TMEM33: variants seen among roughly 807,000 people sequenced by gnomAD.
TMEM33 encodes the protein transmembrane protein 33.
A neutral mutation model predicts 29.7 loss-of-function variants in TMEM33; 16 were observed. That is an observed-to-expected ratio of 0.54 (90% CI 0.36 to 0.82). The LOEUF is 0.82. Ranked by LOEUF, TMEM33 falls within the 40% of genes least tolerant of loss-of-function variation. The probability of loss-of-function intolerance (pLI) is 0.00; values close to 1 mark genes in which losing one functional copy is unlikely to be tolerated. For synonymous variants in TMEM33, 112 were observed against 109.4 expected, an observed-to-expected ratio of 1.02 and a Z score of -0.15; for missense variants, 252 against 295.3, an observed-to-expected ratio of 0.85 and a Z score of 1.08.
chr4:41,939,697 A>C, intron 3 of TMEM33: 1 of 469,762 alleles, frequency 2.1e-6, no homozygotes. Flanking sequence ...CATTTTTTTC[A>C]TTTAATTCAC....
At position 41,959,959 on chromosome 4, in the gene TMEM33, G is replaced by A. The variant is rs1378475434; in HGVS notation, c.*5760G>A. On this transcript the variant is annotated 3_prime_UTR_variant, in exon 7 of 7. Coordinates refer to ENST00000504986, the MANE Select transcript of TMEM33 (RefSeq NM_018126.3). ...CATTTTTAATATCTAATATTGTACA[G>A]GTTGGGGAGTTACATTCTTCAGGCC... 4 of 152,002 alleles carry A rather than the reference G, an allele frequency of 2.6e-5. No individual in the cohort carries two copies. The highest frequency in any genetic ancestry group is 5.9e-5 in the Non-Finnish European group (4 of 67,982). 9.4% of individuals were successfully genotyped at this position (152,002 alleles called of 1,614,324 possible).
chr4:41,958,603 T>C lies in TMEM33; in HGVS notation c.*4404T>C, dbSNP rs947408603. 12 of 151,610 alleles carry C rather than the reference T, an allele frequency of 7.9e-5. No homozygotes were observed. The highest frequency in any genetic ancestry group is 1.8e-4 in the Non-Finnish European group (12 of 67,958). The allele number at this position is 151,610 out of a possible 1,614,324, so 9.4% of individuals were successfully genotyped here. On this transcript the variant is annotated 3_prime_UTR_variant, in exon 7 of 7. Coordinates refer to ENST00000504986, the MANE Select transcript of TMEM33 (RefSeq NM_018126.3). ...TTAAAATTTAGACTTTTGATAGTAA[T>C]ATAAAAGCATATTGAAATTTGTAGA...
At chr4:41,948,834 A>G (rs1262077016) in intron 5 of TMEM33, among the ~76,000 whole-genome samples, 2 of 152,066 alleles carry the variant, frequency 1.3e-5, no homozygotes, top group African/African-American at 4.8e-5. Flanking sequence ...GGGATATTGT[A>G]ATTGTGTTTT....
At position 41,939,446 on chromosome 4, in the gene TMEM33, AT is replaced by A. The variant is rs1712411337; in HGVS notation, c.328+65del. The A allele has an allele frequency of 6.4e-6, 10 of 1,555,094 alleles. No homozygotes were observed. In the Admixed American group the frequency reaches 2.0e-4, roughly 31 times the overall value. On this transcript the variant is annotated intron_variant, in intron 3 of 6. Coordinates refer to ENST00000504986, the MANE Select transcript of TMEM33 (RefSeq NM_018126.3). ...CTAAGCATATAGGAGATCTCTTCTG[AT>A]TATTTCAGCAATGAAGGCATTCCAT... is the stretch of plus-strand genomic sequence containing the variant.
chr4:41,939,481 G>A (rs750530355), intron 3 of TMEM33, 98 bp downstream of exon 3: 60 of 1,341,236 alleles, frequency 4.5e-5, no homozygotes, highest in Non-Finnish European at 5.6e-5. Flanking sequence ...ATGAAGCCTG[G>A]GTTTGTTCTC....
At chr4:41,935,337 G>T (rs1245143844), upstream of TMEM33, 6 of 848,708 alleles carry the variant, frequency 7.1e-6, no homozygotes, top group Non-Finnish European at 1.2e-5. Flanking sequence ...CCTGGTGGAG[G>T]CTCAGAGTTC....
intron 5 of TMEM33, among the ~76,000 whole-genome samples, chr4:41,946,077 GTTT>G (rs756912449): frequency 8.6e-6 from 1 of 116,268 alleles, no homozygotes; most frequent in Non-Finnish European, 1.9e-5. Context: ...ATCCAGTTCT[GTTT>G]TTTTTTTTTT....
rs929413222 is a variant in TMEM33, at chr4:41,940,050, T to C, written c.328+667T>C. Among the ~76,000 whole-genome samples, 21 of 124,926 alleles carry C rather than the reference T, an allele frequency of 1.7e-4. No homozygotes were observed. The East Asian group carries it at 2.7e-3, about 16-fold the overall frequency. The allele number at this position is 124,926 out of a possible 152,430, so 82.0% of individuals were successfully genotyped here. A position where few individuals can be genotyped will look rare whatever the true frequency, so the allele number is the denominator to read the frequency against. On this transcript the variant is annotated intron_variant, in intron 3 of 6. Coordinates refer to ENST00000504986, the MANE Select transcript of TMEM33 (RefSeq NM_018126.3). Reference sequence around the variant, plus strand: ...GTGAACACTAGGTTAAACTTTCTTTTTTTTTTTTTTTTTTTTTTTTGAGAC... The same window carrying C: ...GTGAACACTAGGTTAAACTTTCTTTCTTTTTTTTTTTTTTTTTTTTGAGAC...
At position 41,958,610 on chromosome 4, in the gene TMEM33, G is replaced by A. The variant is rs1713358292; in HGVS notation, c.*4411G>A. The A allele has an allele frequency of 6.6e-6, 1 of 150,420 alleles. No individual in the cohort carries two copies. The highest frequency in any genetic ancestry group is 6.6e-5 in the Admixed American group (1 of 15,098). 9.3% of individuals were successfully genotyped at this position (150,420 alleles called of 1,614,324 possible). A position where few individuals can be genotyped will look rare whatever the true frequency, so the allele number is the denominator to read the frequency against. On this transcript the variant is annotated 3_prime_UTR_variant, in exon 7 of 7. Coordinates refer to ENST00000504986, the MANE Select transcript of TMEM33 (RefSeq NM_018126.3). ...TTAGACTTTTGATAGTAATATAAAAGCATATTGAAATTTGTAGATATTATA... is the reference window on the plus strand; with the variant it reads ...TTAGACTTTTGATAGTAATATAAAAACATATTGAAATTTGTAGATATTATA...
intron 1 of TMEM33, among the ~76,000 whole-genome samples, chr4:41,936,283 G>T (rs1366710137): frequency 6.6e-6 from 1 of 152,222 alleles, no homozygotes; most frequent in Non-Finnish European, 1.5e-5. Context: ...GCTCACTCCT[G>T]TAAGCCCAGA....
intron 5 of TMEM33, among the ~76,000 whole-genome samples, chr4:41,948,934 T>C (rs1712914813): frequency 1.3e-5 from 2 of 152,026 alleles, no homozygotes; most frequent in African/African-American, 4.8e-5. Flanking sequence ...TTGTTTCTTT[T>C]TATATATATA....
In TMEM33 at chr4:41,942,652, T is replaced by A. The variant is rs1712594674; in HGVS notation, c.329-1095T>A. ...ATCATTTTGTGGAACTACTTGACAATTTTTTTTTTTTAATCAACCTGGCAG... is the reference window on the plus strand; with the variant it reads ...ATCATTTTGTGGAACTACTTGACAAATTTTTTTTTTTAATCAACCTGGCAG... On this transcript the variant is annotated intron_variant, in intron 3 of 6. Coordinates refer to ENST00000504986, the MANE Select transcript of TMEM33 (RefSeq NM_018126.3). Among the ~76,000 whole-genome samples the A allele has an allele frequency of 3.3e-5, 4 of 120,540 alleles. No individual in the cohort carries two copies. In the South Asian group the frequency reaches 1.0e-3, roughly 32 times the overall value. 79.1% of individuals were successfully genotyped at this position (120,540 alleles called of 152,430 possible).
At chr4:41,953,311 A>T (rs974322721) in intron 6 of TMEM33, among the ~76,000 whole-genome samples, 14 of 152,232 alleles carry the variant, frequency 9.2e-5, no homozygotes, top group African/African-American at 3.4e-4. Flanking sequence ...AATATCACAA[A>T]GCTGTCAGAT....
At chr4:41,943,188 G>A (rs1419656240) in intron 3 of TMEM33, among the ~76,000 whole-genome samples, 1 of 152,134 alleles carries the variant, frequency 6.6e-6, no homozygotes, top group Non-Finnish European at 1.5e-5. Context: ...CAGTAGAAAT[G>A]AAGGAAAAAC....
Position 41,939,313 on chromosome 4 carries a change from G to C in TMEM33, c.258G>C (p.Gln86His). The change falls in exon 3 of 7, where the codon CAG becomes CAC. Residue 86 changes from glutamine (Q) to histidine (H), a missense_variant. By Grantham distance (24) the Gln-to-His change is conservative. Coordinates refer to ENST00000504986, the MANE Select transcript of TMEM33 (RefSeq NM_018126.3). ...AGTTAAGCAGAGCATTCCTGGCCCA[G>C]GCTTTGTTAGAGGACAGCTGCCACT... Reference protein sequence around the residue: ...HFQLSRAFLAQALLEDSCHYL... With the variant: ...HFQLSRAFLAHALLEDSCHYL... The C allele has an allele frequency of 6.2e-7, 1 of 1,613,868 alleles. No individual in the cohort carries two copies. Among genetic ancestry groups the C allele is most frequent in the Non-Finnish European group, 8.5e-7 (1 of 1,179,940 alleles).
chr4:41,938,843 A>T (rs1276857127), intron 2 of TMEM33, 147 bp downstream of exon 2: 13 of 687,358 alleles, frequency 1.9e-5, no homozygotes, highest in Non-Finnish European at 3.2e-5. Context: ...TAACAACCTA[A>T]TAACATTATC....
chr4:41,939,802 T>A (rs1712433107), intron 3 of TMEM33: 1 of 456,448 alleles, frequency 2.2e-6, no homozygotes, highest in African/African-American at 2.0e-5. Flanking sequence ...AAATGGAATT[T>A]AACCAAGAAA....
intron 5 of TMEM33, among the ~76,000 whole-genome samples, chr4:41,945,454 A>G (rs1462841185): frequency 2.0e-5 from 3 of 152,204 alleles, no homozygotes; most frequent in East Asian, 1.9e-4. Context: ...TGCTTTATCA[A>G]TTTTTAGTTT....
In TMEM33 at chr4:41,957,268, T is replaced by G. The variant is rs1298945242; in HGVS notation, c.*3069T>G. The G allele has an allele frequency of 3.3e-3, 1 of 302 alleles. No individual in the cohort carries two copies. The highest frequency in any genetic ancestry group is 0.018 in the Non-Finnish European group (1 of 56). The allele number at this position is 302 out of a possible 1,614,324, so 0.0% of individuals were successfully genotyped here. ...ATTTATTATGCAATTTGTATTTAGGTTTTTTTTTTTTTTTTTGGAATGAAG... is the reference window on the plus strand; with the variant it reads ...ATTTATTATGCAATTTGTATTTAGGGTTTTTTTTTTTTTTTTGGAATGAAG... On this transcript the variant is annotated 3_prime_UTR_variant, in exon 7 of 7. Coordinates refer to ENST00000504986, the MANE Select transcript of TMEM33 (RefSeq NM_018126.3).
Sources: allele counts gnomAD v4.1 joint callset (sites outside exome capture counted in the v4.1 genomes callset), GRCh38; gene constraint gnomAD v4.1.1; transcripts MANE v1.5; gene names NCBI Gene and HGNC (gene_info 2026-07-23, HGNC 2026-07-21).